Variants in FABP7 observed in about 807,000 individuals in gnomAD.
The protein encoded by FABP7 is fatty acid-binding protein, brain.
Under a neutral mutation model 14.2 loss-of-function variants are expected in FABP7, and 13 were observed. That is an observed-to-expected ratio of 0.91 (90% CI 0.59 to 1.45). The LOEUF (loss-of-function observed/expected upper bound fraction) is 1.45. Ranked by LOEUF, FABP7 falls within the 40% of genes most tolerant of loss-of-function variation. FABP7 has a pLI of 0.00. For missense variants in FABP7, 149 were observed against 157.6 expected, an observed-to-expected ratio of 0.95 and a Z score of 0.29; for synonymous variants, 49 against 51.4, an observed-to-expected ratio of 0.95 and a Z score of 0.20.
At chr6:122,767,967 A>G in the FABP7 span, among the ~76,000 whole-genome samples, 1 of 152,082 alleles carries the variant, frequency 6.6e-6, no homozygotes, top group African/African-American at 2.4e-5. Flanking sequence ...TAAGTTACAA[A>G]CTGGAAGAAT....
At chr6:122,772,193 C>T in the FABP7 span, among the ~76,000 whole-genome samples, 3 of 152,028 alleles carry the variant, frequency 2.0e-5, no homozygotes, top group Non-Finnish European at 4.4e-5. Context: ...GTTTTCTTGG[C>T]CGAGTTGTTG....
At chr6:122,770,180 A>G in the FABP7 span, among the ~76,000 whole-genome samples, 1 of 152,120 alleles carries the variant, frequency 6.6e-6, no homozygotes, top group African/African-American at 2.4e-5. Flanking sequence ...CTCTTGGAAG[A>G]GGAATTTTTA....
At chr6:122,762,796 T>C in the FABP7 span, among the ~76,000 whole-genome samples, 1 of 152,130 alleles carries the variant, frequency 6.6e-6, no homozygotes, top group Non-Finnish European at 1.5e-5. Context: ...TCACAATTGC[T>C]TCAAAGAGAA....
chr6:122,774,533 A>C, the FABP7 span, among the ~76,000 whole-genome samples: 1 of 152,092 alleles, frequency 6.6e-6, no homozygotes, highest in African/African-American at 2.4e-5. Context: ...TTTGAAAGCA[A>C]CCATTCTTAG....
At chr6:122,778,987 T>C (rs1042349093), upstream of FABP7, among the ~76,000 whole-genome samples, 1 of 152,190 alleles carries the variant, frequency 6.6e-6, no homozygotes, top group Non-Finnish European at 1.5e-5. Context: ...CTAACCATAC[T>C]CTTCCTTAGG....
chr6:122,755,240 A>G, the FABP7 span, among the ~76,000 whole-genome samples: 1 of 152,006 alleles, frequency 6.6e-6, no homozygotes, highest in Non-Finnish European at 1.5e-5. Context: ...GTGAAACTCA[A>G]CCCTAGCAAA....
At chr6:122,758,427 A>C in the FABP7 span, among the ~76,000 whole-genome samples, 1 of 152,238 alleles carries the variant, frequency 6.6e-6, no homozygotes, top group African/African-American at 2.4e-5. Flanking sequence ...CTGTAAAACA[A>C]CTGAGGATAT....
chr6:122,765,551 T>A, the FABP7 span, among the ~76,000 whole-genome samples: 2 of 152,090 alleles, frequency 1.3e-5, no homozygotes, highest in South Asian at 4.1e-4. Context: ...TATTCTGTCT[T>A]GTCTAATATT....
chr6:122,751,739 C>T, the FABP7 span, among the ~76,000 whole-genome samples: 1 of 152,172 alleles, frequency 6.6e-6, no homozygotes, highest in Non-Finnish European at 1.5e-5. Flanking sequence ...TCATATCCTT[C>T]CAAATTTAAG....
chr6:122,761,487 G>C, the FABP7 span, among the ~76,000 whole-genome samples: 1 of 152,108 alleles, frequency 6.6e-6, no homozygotes, highest in Non-Finnish European at 1.5e-5. Flanking sequence ...TAATCTTTCA[G>C]AGTCAAAACA....
the FABP7 span, among the ~76,000 whole-genome samples, chr6:122,753,752 C>T: frequency 1.3e-5 from 2 of 148,906 alleles, no homozygotes; most frequent in Non-Finnish European, 3.0e-5. Context: ...GCTTAAGGGC[C>T]TGGATACAGA....
At chr6:122,758,049 A>C in the FABP7 span, among the ~76,000 whole-genome samples, 1 of 150,278 alleles carries the variant, frequency 6.7e-6, no homozygotes, top group Non-Finnish European at 1.5e-5. Context: ...ACTGGGCTTT[A>C]CTTCATTGCA....
At chr6:122,752,276 T>G in the FABP7 span, among the ~76,000 whole-genome samples, 3 of 152,252 alleles carry the variant, frequency 2.0e-5, no homozygotes, top group Admixed American at 6.5e-5. Context: ...CATCCTTGCC[T>G]GCAATCTTTA....
the FABP7 span, among the ~76,000 whole-genome samples, chr6:122,773,581 G>A: frequency 7.9e-5 from 12 of 152,120 alleles, no homozygotes; most frequent in African/African-American, 2.9e-4. Flanking sequence ...TTCCTTTCCA[G>A]CTACAGAGAT....
upstream of FABP7, among the ~76,000 whole-genome samples, chr6:122,776,319 C>T (rs1293157542): frequency 6.6e-6 from 1 of 152,042 alleles, no homozygotes; most frequent in African/African-American, 2.4e-5. Flanking sequence ...GGTATGTATA[C>T]ATAATGAAAT....
intron 2 of FABP7, 61 bp downstream of exon 2, chr6:122,780,524 C>A: frequency 6.7e-7 from 1 of 1,500,782 alleles, no homozygotes; most frequent in South Asian, 1.2e-5. Context: ...ATAAAGATTT[C>A]CAATGCATGT....
At chr6:122,751,629 A>C in the FABP7 span, among the ~76,000 whole-genome samples, 1 of 152,192 alleles carries the variant, frequency 6.6e-6, no homozygotes, top group Non-Finnish European at 1.5e-5. Flanking sequence ...AAATAATGCA[A>C]ATGGCACATT....
chr6:122,757,513 G>A, the FABP7 span, among the ~76,000 whole-genome samples: 5 of 152,052 alleles, frequency 3.3e-5, no homozygotes, highest in Non-Finnish European at 5.9e-5. Flanking sequence ...TAGAAGAGGA[G>A]GAGGGAGTCC....
the FABP7 span, among the ~76,000 whole-genome samples, chr6:122,753,779 A>AACC: frequency 2.5e-5 from 2 of 78,572 alleles, no homozygotes; most frequent in Admixed American, 1.1e-4. Flanking sequence ...TTGGGTCCAA[A>AACC]TCCCGCCCCC....
Sources: gnomAD v4.1 joint callset for allele counts (sites outside exome capture counted in the v4.1 genomes callset) on GRCh38, gnomAD v4.1.1 for gene constraint, MANE v1.5 for transcripts, NCBI Gene and HGNC (gene_info 2026-07-23, HGNC 2026-07-21) for gene names.